CAMTA1: variants seen among roughly 807,000 people sequenced by gnomAD.
CAMTA1 encodes calmodulin-binding transcription activator 1.
Under a neutral mutation model 170.9 loss-of-function variants are expected in CAMTA1, and 27 were observed. That is an observed-to-expected ratio of 0.16 (90% CI 0.12 to 0.22). The LOEUF (loss-of-function observed/expected upper bound fraction) is 0.22. Ranked by LOEUF, CAMTA1 falls within the 10% of genes least tolerant of loss-of-function variation. CAMTA1 has a pLI of 1.00. For synonymous variants in CAMTA1, 833 were observed against 891.5 expected, an observed-to-expected ratio of 0.93 and a Z score of 1.17; for missense variants, 1,619 against 2,217.2, an observed-to-expected ratio of 0.73 and a Z score of 5.42.
intron 3 of CAMTA1, among the ~76,000 whole-genome samples, chr1:6,861,322 ACAT>A (rs1325158916): frequency 6.6e-6 from 1 of 152,234 alleles, no homozygotes; most frequent in Non-Finnish European, 1.5e-5. Context: ...CAGTAAGATC[ACAT>A]CATCTTTTTT....
intron 6 of CAMTA1, among the ~76,000 whole-genome samples, chr1:7,480,872 C>G (rs527928481): frequency 5.3e-5 from 8 of 152,164 alleles, no homozygotes; most frequent in Non-Finnish European, 1.2e-4. Flanking sequence ...AGATTTTTAC[C>G]CGACTCAACA....
chr1:7,592,573 G>A lies in CAMTA1; in HGVS notation c.511-47827G>A, dbSNP rs2095363344. ...GGGCAGGGACTCTTAGGGACACAGGGCCGTGGGAAAGACCTGCTGTCCTGC... is the reference window on the plus strand; with the variant it reads ...GGGCAGGGACTCTTAGGGACACAGGACCGTGGGAAAGACCTGCTGTCCTGC... On this transcript the variant is annotated intron_variant, in intron 6 of 22. Transcript: ENST00000303635. This position sits in a 1 kb window ranked among gnomAD's most constrained non-coding sequence, Gnocchi z 4.6. Among the ~76,000 whole-genome samples, 7 of 152,168 alleles carry A rather than the reference G, an allele frequency of 4.6e-5. No homozygotes were observed. Among genetic ancestry groups the A allele is most frequent in the South Asian group, 2.1e-4 (1 of 4,822 alleles).
rs1015245301 is a variant in CAMTA1, at chr1:7,674,640, G to T, written c.2780-2959G>T. 6.6e-6 allele frequency among the ~76,000 whole-genome samples: 1 copy of T among 152,080 alleles called. No individual in the cohort carries two copies. Among genetic ancestry groups the T allele is most frequent in the Admixed American group, 6.6e-5 (1 of 15,260 alleles). On this transcript the variant is annotated intron_variant, in intron 10 of 22. Coordinates refer to ENST00000303635, the MANE Select transcript of CAMTA1 (RefSeq NM_015215.4). This position sits in a 1 kb window ranked among gnomAD's most constrained non-coding sequence, Gnocchi z 4.1. Reference sequence around the variant, plus strand: ...CTAAAAATACAAAAATTAGCTGGGCGTGGTGGCAGGCACCTGTAAGCTAGT... The same window carrying T: ...CTAAAAATACAAAAATTAGCTGGGCTTGGTGGCAGGCACCTGTAAGCTAGT...
At chr1:7,661,971 G>A in intron 8 of CAMTA1, 105 bp downstream of exon 8, 1 of 1,319,240 alleles carries the variant, frequency 7.6e-7, no homozygotes, top group East Asian at 2.5e-5. Flanking sequence ...CATCTAGTGA[G>A]GGAGGAGGGG....
Position 6,818,822 on chromosome 1 carries a change from G to A in CAMTA1, c.46-1359G>A, listed in dbSNP as rs1448726043. On this transcript the variant is annotated intron_variant, in intron 1 of 22. Coordinates refer to ENST00000303635, the MANE Select transcript of CAMTA1 (RefSeq NM_015215.4). ...TGCCTGGCTAATTTTTGTATCTTTG[G>A]TAGAGGTGAGGTTTTGCCATGTTAT... Among the ~76,000 whole-genome samples the A allele has an allele frequency of 2.7e-5, 4 of 150,374 alleles. No individual in the cohort carries two copies. In the East Asian group the frequency reaches 5.9e-4, roughly 22 times the overall value.
chr1:6,854,593 A>G (rs1212027421), intron 3 of CAMTA1, among the ~76,000 whole-genome samples: 1 of 152,234 alleles, frequency 6.6e-6, no homozygotes, highest in Admixed American at 6.5e-5. Context: ...TAGACTGTAC[A>G]TTCTTTTCAT....
chr1:7,502,081 G>T (rs766172569), intron 6 of CAMTA1, among the ~76,000 whole-genome samples: 4 of 152,238 alleles, frequency 2.6e-5, no homozygotes, highest in Non-Finnish European at 4.4e-5. Context: ...TCTGCTCAGG[G>T]TTAGCACATG....
At chr1:7,358,853 C>T (rs2085330792) in intron 5 of CAMTA1, among the ~76,000 whole-genome samples, 2 of 152,128 alleles carry the variant, frequency 1.3e-5, no homozygotes, top group South Asian at 2.1e-4. Flanking sequence ...GACAGGGTGG[C>T]CCCGGCTTTG....
In CAMTA1 at chr1:7,534,694, C is replaced by T. The variant is rs779331269; in HGVS notation, c.510+66793C>T. On this transcript the variant is annotated intron_variant, in intron 6 of 22. Transcript: ENST00000303635. The surrounding 1 kb of genome is among the most constrained non-coding windows in gnomAD (Gnocchi z 5.6). ...GGGCCGAGGGGAGCTGAGGCCACGG[C>T]GGGGACTCCTCACTCCTCCTTCCTA... 1.3e-3 allele frequency among the ~76,000 whole-genome samples: 198 copies of T among 152,196 alleles called. No individual in the cohort carries two copies. Among genetic ancestry groups the T allele is most frequent in the Non-Finnish European group, 2.5e-3 (168 of 68,010 alleles).
chr1:7,503,884 C>T (rs958318459), intron 6 of CAMTA1, among the ~76,000 whole-genome samples: 2 of 152,178 alleles, frequency 1.3e-5, no homozygotes, highest in African/African-American at 4.8e-5. Flanking sequence ...TCCGCTGCCC[C>T]GCACTTGTGT....
chr1:7,134,218 A>G (rs757886272), intron 4 of CAMTA1, among the ~76,000 whole-genome samples: 1 of 152,194 alleles, frequency 6.6e-6, no homozygotes, highest in Non-Finnish European at 1.5e-5. Flanking sequence ...TGTTGCTCCA[A>G]AGGACATGAT....
At chr1:6,798,600 T>TAGTAGAGGTGAGGTGTCACCATG (rs1435736432) in intron 1 of CAMTA1, among the ~76,000 whole-genome samples, 40 of 128,062 alleles carry the variant, frequency 3.1e-4, no homozygotes, top group Non-Finnish European at 4.2e-4. Flanking sequence ...TTTTTTTTTT[T>TAGTAGAGGTGAGGTGTCACCATG]TTTTTTTGAG....
intron 3 of CAMTA1, among the ~76,000 whole-genome samples, chr1:6,968,989 C>T (rs1330109266): frequency 6.6e-6 from 1 of 152,048 alleles, no homozygotes; most frequent in Non-Finnish European, 1.5e-5. Context: ...TCTGTCTTGC[C>T]AAGTTGAGGG....
At chr1:7,142,651 T>C (rs1320367483) in intron 4 of CAMTA1, among the ~76,000 whole-genome samples, 1 of 152,186 alleles carries the variant, frequency 6.6e-6, no homozygotes, top group East Asian at 1.9e-4. Flanking sequence ...GCTGGTTGTT[T>C]AAAAGAGCCT....
At chr1:6,953,825 C>T (rs537072009) in intron 3 of CAMTA1, among the ~76,000 whole-genome samples, 46 of 151,906 alleles carry the variant, frequency 3.0e-4, no homozygotes, top group African/African-American at 9.9e-4. Flanking sequence ...TGGCTGAGCA[C>T]GACACTGGCA....
intron 16 of CAMTA1, among the ~76,000 whole-genome samples, chr1:7,743,633 G>T (rs913798393): frequency 1.3e-5 from 2 of 152,032 alleles, no homozygotes; most frequent in African/African-American, 4.8e-5. Context: ...CTTCGTGTTG[G>T]CAGGAGAAGC....
At chr1:6,845,171 T>G (rs759136108) in intron 3 of CAMTA1, among the ~76,000 whole-genome samples, 4 of 152,110 alleles carry the variant, frequency 2.6e-5, no homozygotes, top group Non-Finnish European at 4.4e-5. Flanking sequence ...GATGAAAAAG[T>G]CTATGAAAAG....
rs921924803 is a variant in CAMTA1, at chr1:7,592,436, G to C, written c.511-47964G>C. ...AGTAGTGTTGCCCGCTTCCTAACAG[G>C]AACAGGACAGATATTCATGGAGTGA... is the stretch of plus-strand genomic sequence containing the variant. On this transcript the variant is annotated intron_variant, in intron 6 of 22. Transcript: ENST00000303635. The surrounding 1 kb of genome is among the most constrained non-coding windows in gnomAD (Gnocchi z 4.6). 2.0e-5 allele frequency among the ~76,000 whole-genome samples: 3 copies of C among 152,164 alleles called. No homozygotes were observed. The highest frequency in any genetic ancestry group is 7.2e-5 in the African/African-American group (3 of 41,434).
intron 5 of CAMTA1, among the ~76,000 whole-genome samples, chr1:7,361,867 C>T (rs2149981269): frequency 6.6e-6 from 1 of 152,316 alleles, no homozygotes; most frequent in East Asian, 1.9e-4. Flanking sequence ...TGTTTCCTTT[C>T]CTCTCTTTCT....
Sources: allele counts gnomAD v4.1 joint callset (sites outside exome capture counted in the v4.1 genomes callset), GRCh38; gene constraint gnomAD v4.1.1; non-coding constraint Gnocchi (gnomAD v3.1); transcripts MANE v1.5; gene names NCBI Gene and HGNC (gene_info 2026-07-23, HGNC 2026-07-21).